The following SRBD1 variants were observed in gnomAD, a reference collection of about 807,000 sequenced individuals.
SRBD1 encodes the protein S1 RNA-binding domain-containing protein 1.
In SRBD1, 88 loss-of-function variants were observed where a neutral mutation model predicts 115.3. The observed-to-expected ratio is 0.76, with a 90% CI of 0.64 to 0.91. The LOEUF (loss-of-function observed/expected upper bound fraction) is 0.91. SRBD1 is among the 40% of genes least tolerant of loss of function. The probability of loss-of-function intolerance (pLI) is 0.00; values close to 1 mark genes in which losing one functional copy is unlikely to be tolerated. For missense variants in SRBD1, 1,385 were observed against 1,177.4 expected, an observed-to-expected ratio of 1.18 and a Z score of -2.58; for synonymous variants, 509 against 407.7, an observed-to-expected ratio of 1.25 and a Z score of -2.99.
rs1357039575 is a variant in SRBD1 at position 45,419,117 on chromosome 2, C to G, written c.2157-576G>C. ...AGAATCTCAACTCTATTATAAAATT[C>G]CATATATGAAATTATGAAATGTTTG... On this transcript the variant is annotated intron_variant, in intron 17 of 20. Transcript: ENST00000263736. Among the ~76,000 whole-genome samples the G allele has an allele frequency of 6.6e-5, 10 of 152,090 alleles. 1 individual carries two copies. In the South Asian group the frequency reaches 1.7e-3, roughly 25 times the overall value.
chr2:45,396,514 TAAG>T (rs571530854), intron 19 of SRBD1, among the ~76,000 whole-genome samples: 78 of 152,284 alleles, frequency 5.1e-4, no homozygotes, highest in African/African-American at 1.7e-3. Flanking sequence ...TTACTTAAAG[TAAG>T]AAAGTACCAT....
At chr2:45,433,980 C>G (rs1668414336) in intron 16 of SRBD1, among the ~76,000 whole-genome samples, 1 of 152,056 alleles carries the variant, frequency 6.6e-6, no homozygotes, top group African/African-American at 2.4e-5. Context: ...TTTCCAGATC[C>G]AGAAACACAG....
intron 9 of SRBD1, 22 bp from the exon 10 acceptor site, chr2:45,562,778 A>G: frequency 6.5e-7 from 1 of 1,531,310 alleles, no homozygotes; most frequent in East Asian, 2.3e-5. Flanking sequence ...CATAAGGCAA[A>G]GACTAATAAT....
intron 1 of SRBD1, among the ~76,000 whole-genome samples, chr2:45,608,955 G>C (rs374343639): frequency 3.3e-5 from 5 of 151,814 alleles, no homozygotes; most frequent in African/African-American, 1.2e-4. Context: ...TTACAGGCGT[G>C]TACCACCACA....
intron 4 of SRBD1, among the ~76,000 whole-genome samples, chr2:45,597,208 C>G (rs886765343): frequency 1.3e-5 from 2 of 152,090 alleles, no homozygotes; most frequent in African/African-American, 4.8e-5. Context: ...ATCACCAGGT[C>G]AGAAGACGGA....
chr2:45,518,184 T>C (rs1350336829), intron 14 of SRBD1, among the ~76,000 whole-genome samples: 1 of 152,096 alleles, frequency 6.6e-6, no homozygotes, highest in Non-Finnish European at 1.5e-5. Flanking sequence ...CTGTAAGTAT[T>C]ATCATCATCA....
intron 12 of SRBD1, among the ~76,000 whole-genome samples, chr2:45,548,732 C>T (rs954384944): frequency 2.1e-5 from 3 of 140,562 alleles, no homozygotes; most frequent in Non-Finnish European, 3.1e-5. Flanking sequence ...AAAAAAAACA[C>T]TGATAAAATA....
intron 16 of SRBD1, among the ~76,000 whole-genome samples, chr2:45,463,876 A>G (rs1020929744): frequency 3.9e-5 from 6 of 152,178 alleles, no homozygotes; most frequent in Non-Finnish European, 7.4e-5. Context: ...GTATCAAACA[A>G]AGATAAAATT....
intron 1 of SRBD1, among the ~76,000 whole-genome samples, chr2:45,605,668 C>T (rs1674245559): frequency 6.6e-6 from 1 of 152,136 alleles, no homozygotes; most frequent in African/African-American, 2.4e-5. Context: ...CTTTGGGAGG[C>T]CAAGGAGGGC....
chr2:45,593,945 G>A (rs1178367008), intron 4 of SRBD1, among the ~76,000 whole-genome samples: 1 of 152,168 alleles, frequency 6.6e-6, no homozygotes, highest in Non-Finnish European at 1.5e-5. Flanking sequence ...CTGGAAGCTT[G>A]TTGCATGGTT....
intron 14 of SRBD1, among the ~76,000 whole-genome samples, chr2:45,525,368 T>C (rs537082896): frequency 8.5e-5 from 13 of 152,088 alleles, no homozygotes; most frequent in African/African-American, 2.9e-4. Flanking sequence ...CAGAATGGCA[T>C]AAAATATCTG....
At chr2:45,481,771 T>G (rs144994482) in intron 15 of SRBD1, among the ~76,000 whole-genome samples, 10 of 152,306 alleles carry the variant, frequency 6.6e-5, no homozygotes, top group African/African-American at 2.2e-4. Context: ...AGAATGTTAT[T>G]TGCCAATAAA....
intron 7 of SRBD1, among the ~76,000 whole-genome samples, chr2:45,576,540 T>C (rs2104163007): frequency 6.6e-6 from 1 of 152,312 alleles, no homozygotes; most frequent in South Asian, 2.1e-4. Flanking sequence ...AGTAATTCTA[T>C]TTACATTTTA....
At chr2:45,438,709 G>C (rs972251034) in intron 16 of SRBD1, among the ~76,000 whole-genome samples, 1 of 152,042 alleles carries the variant, frequency 6.6e-6, no homozygotes, top group African/African-American at 2.4e-5. Flanking sequence ...GGCGAGGATG[G>C]GGGGTATAAA....
At chr2:45,514,492 A>C (rs1027933504) in intron 14 of SRBD1, among the ~76,000 whole-genome samples, 1 of 152,196 alleles carries the variant, frequency 6.6e-6, no homozygotes, top group African/African-American at 2.4e-5. Flanking sequence ...CACTGCGTTT[A>C]ACTCCTAAAG....
At chr2:45,551,456 A>C (rs576397303) in intron 11 of SRBD1, among the ~76,000 whole-genome samples, 174 bp from the exon 12 acceptor site, 1 of 152,352 alleles carries the variant, frequency 6.6e-6, no homozygotes, top group South Asian at 2.1e-4. Context: ...AATCACAGTA[A>C]TATGATACCA....
intron 16 of SRBD1, among the ~76,000 whole-genome samples, chr2:45,462,004 A>C (rs1004212937): frequency 6.6e-6 from 1 of 152,220 alleles, no homozygotes; most frequent in African/African-American, 2.4e-5. Flanking sequence ...TCCCACAATA[A>C]AATGAAGAAA....
chr2:45,572,034 T>C (rs1052254507), intron 9 of SRBD1, among the ~76,000 whole-genome samples: 2 of 152,076 alleles, frequency 1.3e-5, no homozygotes, highest in Non-Finnish European at 2.9e-5. Context: ...AGAATCACAA[T>C]AAACTCCAAG....
At chr2:45,445,130 A>G (rs1433647728) in intron 16 of SRBD1, among the ~76,000 whole-genome samples, 1 of 152,230 alleles carries the variant, frequency 6.6e-6, no homozygotes, top group African/African-American at 2.4e-5. Flanking sequence ...TCTTTCAGAC[A>G]GTTGGAAAGG....
Sources: allele counts gnomAD v4.1 joint callset (sites outside exome capture counted in the v4.1 genomes callset), GRCh38; gene constraint gnomAD v4.1.1; transcripts MANE v1.5; gene names NCBI Gene and HGNC (gene_info 2026-07-23, HGNC 2026-07-21).